The following AFG1L variants were observed in gnomAD, a reference collection of about 807,000 sequenced individuals.
The protein encoded by AFG1L is AFG1-like ATPase.
Under a neutral mutation model 62.2 loss-of-function variants are expected in AFG1L, and 53 were observed. The ratio of observed to expected loss-of-function variants is 0.85; its 90% CI spans 0.68 to 1.07. The LOEUF (loss-of-function observed/expected upper bound fraction) is 1.07, where lower values mean the gene tolerates loss of function less well. AFG1L is among the 50% of genes least tolerant of loss of function. AFG1L has a pLI of 0.00. For missense variants in AFG1L, 555 were observed against 590.5 expected, an observed-to-expected ratio of 0.94 and a Z score of 0.62; for synonymous variants, 228 against 210.3, an observed-to-expected ratio of 1.08 and a Z score of -0.73.
intron 7 of AFG1L, among the ~76,000 whole-genome samples, chr6:108,444,061 T>C (rs926944138): frequency 6.8e-5 from 6 of 87,858 alleles, no homozygotes; most frequent in African/African-American, 2.0e-4. Flanking sequence ...ATCTCCCATC[T>C]ATCTATCTAT....
intron 2 of AFG1L, among the ~76,000 whole-genome samples, chr6:108,328,390 A>G (rs1778140125): frequency 6.6e-6 from 1 of 151,792 alleles, no homozygotes; most frequent in African/African-American, 2.4e-5. Context: ...TTGGAAATAT[A>G]TTCCTTTTGT....
At chr6:108,318,477 A>G (rs1036405000) in intron 1 of AFG1L, 2 of 167,756 alleles carry the variant, frequency 1.2e-5, no homozygotes, top group African/African-American at 4.8e-5. Context: ...AAAGTTGGAG[A>G]AAATAAAAGT....
chr6:108,360,254 T>C (rs1439802415), intron 5 of AFG1L, among the ~76,000 whole-genome samples: 4 of 152,212 alleles, frequency 2.6e-5, no homozygotes, highest in African/African-American at 9.7e-5. Flanking sequence ...TCAGCCTCAC[T>C]CATTGCTTCC....
intron 10 of AFG1L, among the ~76,000 whole-genome samples, chr6:108,491,133 T>A (rs1773765191): frequency 1.3e-5 from 2 of 152,166 alleles, no homozygotes; most frequent in Admixed American, 6.5e-5. Context: ...TTAAATTTTT[T>A]AAAAATCAGG....
chr6:108,469,445 C>G (rs1772801774), intron 8 of AFG1L, among the ~76,000 whole-genome samples: 1 of 151,700 alleles, frequency 6.6e-6, no homozygotes, highest in African/African-American at 2.4e-5. Context: ...TTAAATCTAC[C>G]CCAGCTGCTA....
chr6:108,409,085 A>T (rs1467415845), intron 7 of AFG1L, among the ~76,000 whole-genome samples: 3 of 152,324 alleles, frequency 2.0e-5, no homozygotes, highest in East Asian at 3.9e-4. Flanking sequence ...GAAAAGTATG[A>T]TGCAAGGGTA....
intron 7 of AFG1L, among the ~76,000 whole-genome samples, chr6:108,423,317 T>C (rs1770680601): frequency 6.6e-6 from 1 of 151,990 alleles, no homozygotes; most frequent in Admixed American, 6.6e-5. Context: ...AACATTTTAG[T>C]CTTGTTGCTT....
intron 10 of AFG1L, among the ~76,000 whole-genome samples, chr6:108,500,852 C>G (rs1010336264): frequency 5.3e-5 from 8 of 152,156 alleles, no homozygotes; most frequent in African/African-American, 1.9e-4. Context: ...GTCATTCTGA[C>G]TTGTGTGAGA....
intron 1 of AFG1L, among the ~76,000 whole-genome samples, chr6:108,306,908 A>T (rs1777218396): frequency 1.3e-5 from 2 of 152,144 alleles, no homozygotes; most frequent in Admixed American, 6.6e-5. Flanking sequence ...GTCAGGTCAC[A>T]TTCATATCTC....
At chr6:108,452,809 A>G (rs564010981) in intron 8 of AFG1L, among the ~76,000 whole-genome samples, 2 of 152,156 alleles carry the variant, frequency 1.3e-5, no homozygotes, top group Non-Finnish European at 2.9e-5. Context: ...GAGGGCCTAG[A>G]TAATTCCTGC....
chr6:108,306,516 C>T (rs976705643), intron 1 of AFG1L, among the ~76,000 whole-genome samples: 3 of 151,972 alleles, frequency 2.0e-5, no homozygotes, highest in African/African-American at 4.8e-5. Flanking sequence ...TATTCATTTA[C>T]TCATTCATTT....
At chr6:108,384,061 TAAA>T (rs541978025) in intron 6 of AFG1L, among the ~76,000 whole-genome samples, 16 of 80,036 alleles carry the variant, frequency 2.0e-4, no homozygotes, top group Non-Finnish European at 2.9e-4. Context: ...TCCTGGAGAG[TAAA>T]AAAAAAAAAA....
chr6:108,458,038 A>C (rs990955877), intron 8 of AFG1L, among the ~76,000 whole-genome samples: 4 of 152,024 alleles, frequency 2.6e-5, no homozygotes, highest in Non-Finnish European at 4.4e-5. Flanking sequence ...TCTCTGCATA[A>C]GGATATAAGT....
At chr6:108,395,361 T>C (rs1050404206) in intron 6 of AFG1L, among the ~76,000 whole-genome samples, 1 of 151,870 alleles carries the variant, frequency 6.6e-6, no homozygotes, top group Non-Finnish European at 1.5e-5. Flanking sequence ...CTGTGTTTTT[T>C]ATTATTGAAA....
intron 5 of AFG1L, among the ~76,000 whole-genome samples, chr6:108,362,517 T>A (rs1214776993): frequency 6.6e-6 from 1 of 152,226 alleles, no homozygotes; most frequent in Non-Finnish European, 1.5e-5. Context: ...TACAGAATTA[T>A]ATTAATACTA....
At chr6:108,460,203 T>C (rs1772397744) in intron 8 of AFG1L, among the ~76,000 whole-genome samples, 1 of 151,802 alleles carries the variant, frequency 6.6e-6, no homozygotes, top group African/African-American at 2.4e-5. Flanking sequence ...TATGGCTTTA[T>C]CAAGATGCAA....
Position 108,484,759 on chromosome 6 carries a change from T to C in AFG1L, c.1062+7467T>C, listed in dbSNP as rs1207771083. Among the ~76,000 whole-genome samples the C allele has an allele frequency of 3.9e-5, 6 of 152,358 alleles. No homozygotes were observed. The East Asian group carries it at 1.2e-3, about 29-fold the overall frequency. On this transcript the variant is annotated intron_variant, in intron 10 of 12. Coordinates refer to ENST00000368977, the MANE Select transcript of AFG1L (RefSeq NM_145315.5). The stretch of plus-strand genomic sequence containing the variant: ...TAATTTGATTTTAAAAAGTAAGATG[T>C]ACATAAGTAACTTCTTATATGAATT...
Position 108,442,871 on chromosome 6 carries a change from A to G in AFG1L, c.808-4343A>G, listed in dbSNP as rs117480224. Among the ~76,000 whole-genome samples, 139 of 152,146 alleles carry G rather than the reference A, an allele frequency of 9.1e-4. 3 individuals are homozygous for G. The East Asian group carries it at 0.023, about 25-fold the overall frequency. On this transcript the variant is annotated intron_variant, in intron 7 of 12. Coordinates refer to ENST00000368977, the MANE Select transcript of AFG1L (RefSeq NM_145315.5). The stretch of plus-strand genomic sequence containing the variant: ...ATTTCCAGGGGATTGTTGGTCACCT[A>G]TTTTACTCTCCTGAGCCCCTTAGCA...
chr6:108,353,153 ATTTTTT>A (rs35734578), intron 3 of AFG1L, among the ~76,000 whole-genome samples: 1 of 121,018 alleles, frequency 8.3e-6, no homozygotes, highest in Non-Finnish European at 1.8e-5. Flanking sequence ...ACAATGTTTA[ATTTTTT>A]TTTTTTTTTT....
Sources: gnomAD v4.1 joint callset for allele counts (sites outside exome capture counted in the v4.1 genomes callset) on GRCh38, gnomAD v4.1.1 for gene constraint, MANE v1.5 for transcripts, NCBI Gene and HGNC (gene_info 2026-07-23, HGNC 2026-07-21) for gene names.